ZC3H14: variants seen among roughly 807,000 people sequenced by gnomAD.
The protein encoded by ZC3H14 is zinc finger CCCH-type containing 14, also known as zinc finger CCCH domain-containing protein 14.
Under a neutral mutation model 92.4 loss-of-function variants are expected in ZC3H14, and 31 were observed. The observed-to-expected ratio is 0.34, with a 90% confidence interval of 0.25 to 0.45. The LOEUF (loss-of-function observed/expected upper bound fraction) is 0.45. ZC3H14 is among the 20% of genes least tolerant of loss of function. The probability of loss-of-function intolerance (pLI) is 1.00; values close to 1 mark genes in which losing one functional copy is unlikely to be tolerated. For missense variants in ZC3H14, 781 were observed against 897.3 expected, an observed-to-expected ratio of 0.87 and a Z score of 1.66; for synonymous variants, 321 against 300.9, an observed-to-expected ratio of 1.07 and a Z score of -0.69.
At position 88,622,046 on chromosome 14, in the gene ZC3H14, C is replaced by T; in HGVS notation, c.*10295C>T. 3.1e-6 allele frequency: 1 copy of T among 326,126 alleles called. No homozygotes were observed. 20.2% of individuals were successfully genotyped at this position (326,126 alleles called of 1,614,324 possible). A position where few individuals can be genotyped will look rare whatever the true frequency, so the allele number is the denominator to read the frequency against. ...CTATCCCCCTCCCCCTCCCCCTTGTCCGCCTCCAGTAACCACTATTCTACT... is the reference window on the plus strand; with the variant it reads ...CTATCCCCCTCCCCCTCCCCCTTGTTCGCCTCCAGTAACCACTATTCTACT... On this transcript the variant is annotated 3_prime_UTR_variant, in exon 17 of 17. Coordinates refer to ENST00000251038, the MANE Select transcript of ZC3H14 (RefSeq NM_024824.5).
At position 88,602,060 on chromosome 14, in the gene ZC3H14, T is replaced by C. The variant is rs757008209; in HGVS notation, c.1491T>C (p.Leu497=). ...AGACTGCAGATTCCCTTCGGGTACT[T>C]TCAGGACACCTTATGCAGACACGGT... ...GMKTADSLRV[L]SGHLMQTRDL... The change falls in exon 11 of 17, where the codon CTT becomes CTC. Residue 497 remains leucine, a synonymous_variant. Coordinates refer to ENST00000251038, the MANE Select transcript of ZC3H14 (RefSeq NM_024824.5). 6.2e-7 allele frequency: 1 copy of C among 1,614,066 alleles called. No individual in the cohort carries two copies. Among genetic ancestry groups the C allele is most frequent in the African/African-American group, 1.3e-5 (1 of 75,040 alleles).
At chr14:88,600,535 G>A (rs537954300) in intron 10 of ZC3H14, among the ~76,000 whole-genome samples, 1 of 151,212 alleles carries the variant, frequency 6.6e-6, no homozygotes, top group Non-Finnish European at 1.5e-5. Flanking sequence ...TTGACCTCCT[G>A]GGCCCAAGCA....
chr14:88,594,591 T>C, intron 9 of ZC3H14: 6 of 1,550,296 alleles, frequency 3.9e-6, no homozygotes, highest in Non-Finnish European at 5.2e-6. Flanking sequence ...TATTTGCTCT[T>C]AATACGTCTT....
At chr14:88,596,959 G>A (rs543545706) in intron 10 of ZC3H14, 151 bp downstream of exon 10, 4 of 746,420 alleles carry the variant, frequency 5.4e-6, no homozygotes, top group African/African-American at 5.3e-5. Context: ...CAGGAGATAA[G>A]ATCTGCATTT....
chr14:88,581,380 G>C (rs2081890272), intron 9 of ZC3H14, among the ~76,000 whole-genome samples: 1 of 152,072 alleles, frequency 6.6e-6, no homozygotes, highest in Admixed American at 6.6e-5. Flanking sequence ...CCAGTGTGGT[G>C]AAACCCCATC....
chr14:88,578,002 C>T lies in ZC3H14; in HGVS notation c.1141C>T (p.Leu381Phe). The change falls in exon 9 of 17, where the codon CTT becomes TTT. Residue 381 changes from leucine to phenylalanine, a missense_variant. This residue lies in a region of ZC3H14 where 454 missense variants were observed against 438.5 expected (regional missense o/e 1.04). Transcript: ENST00000251038. ...NYSTVPQKQTLPVAPRTRTSQ... is the reference protein window; with the variant it reads ...NYSTVPQKQTFPVAPRTRTSQ... The stretch of plus-strand genomic sequence containing the variant: ...TGTGAAAGTTCCACAGAAACAGACA[C>T]TTCCAGTTGCTCCCAGAACTCGAAC... 16 of 1,614,138 alleles carry T rather than the reference C, an allele frequency of 9.9e-6. No homozygotes were observed. Among genetic ancestry groups the T allele is most frequent in the Non-Finnish European group, 1.4e-5 (16 of 1,180,026 alleles).
intron 9 of ZC3H14, chr14:88,586,877 A>G (rs1566934933): frequency 2.6e-5 from 4 of 152,018 alleles, no homozygotes. Context: ...TACTAGTCCC[A>G]CTCCGCAGAA....
At chr14:88,579,140 A>T (rs946712907) in intron 9 of ZC3H14, among the ~76,000 whole-genome samples, 1 of 152,126 alleles carries the variant, frequency 6.6e-6, no homozygotes, top group African/African-American at 2.4e-5. Flanking sequence ...AGAACCTTGG[A>T]ATATATTTTT....
chr14:88,591,457 G>T (rs1321043731), intron 9 of ZC3H14: 1 of 152,030 alleles, frequency 6.6e-6, no homozygotes, highest in Non-Finnish European at 1.5e-5. Context: ...AATAAAAAAA[G>T]AACAGAAACC....
At chr14:88,581,132 C>A (rs1321030275) in intron 9 of ZC3H14, among the ~76,000 whole-genome samples, 4 of 152,206 alleles carry the variant, frequency 2.6e-5, no homozygotes, top group Non-Finnish European at 1.5e-5. Flanking sequence ...TGTTTCGGAA[C>A]TCACAGTGTA....
At position 88,626,601 on chromosome 14, in the gene ZC3H14, A is replaced by G; in HGVS notation, c.*14850A>G. Reference sequence around the variant, plus strand: ...CATTGCACCCCAGCCCAGGCGACAGAGTGAGATACTGTGTCAAAAAAAAAA... The same window carrying G: ...CATTGCACCCCAGCCCAGGCGACAGGGTGAGATACTGTGTCAAAAAAAAAA... On this transcript the variant is annotated 3_prime_UTR_variant, in exon 17 of 17. Transcript: ENST00000251038. 2.0e-6 allele frequency: 1 copy of G among 495,712 alleles called. No individual in the cohort carries two copies. The highest frequency in any genetic ancestry group is 3.6e-6 in the Non-Finnish European group (1 of 274,994). The allele number at this position is 495,712 out of a possible 1,614,324, so 30.7% of individuals were successfully genotyped here. A position where few individuals can be genotyped will look rare whatever the true frequency, so the allele number is the denominator to read the frequency against.
In ZC3H14 at chr14:88,608,960, TTAA is replaced by T. The variant is rs368291012; in HGVS notation, c.1869-305_1869-303del. On this transcript the variant is annotated intron_variant, in intron 13 of 16. Transcript: ENST00000251038. ...TTGCATAGAGGATGTGTTTATTGTA[TTAA>T]TGAGTTCACTGCATAAAATATATAC... 909 of 367,842 alleles carry T rather than the reference TTAA, an allele frequency of 2.5e-3. 6 individuals carry two copies. The highest frequency in any genetic ancestry group is 0.017 in the African/African-American group (820 of 47,884). 22.8% of individuals were successfully genotyped at this position (367,842 alleles called of 1,614,324 possible).
chr14:88,616,842 G>T lies in ZC3H14; in HGVS notation c.*5091G>T, dbSNP rs1203413499. The T allele has an allele frequency of 6.2e-7, 1 of 1,613,914 alleles. No homozygotes were observed. Among genetic ancestry groups the T allele is most frequent in the South Asian group, 1.1e-5 (1 of 91,072 alleles). On this transcript the variant is annotated 3_prime_UTR_variant, in exon 17 of 17. Transcript: ENST00000251038. ...CAGTTGACATCAGCTTTCTCAGCATGTCTGGACCAGATTCCCAAAACCTCA... is the reference window on the plus strand; with the variant it reads ...CAGTTGACATCAGCTTTCTCAGCATTTCTGGACCAGATTCCCAAAACCTCA...
chr14:88,624,920 C>A lies in ZC3H14; in HGVS notation c.*13169C>A. The stretch of plus-strand genomic sequence containing the variant: ...AACTAGAATAATTAACTGCAAACCT[C>A]AGGTAGGTCACAAATGCATAAATAT... On this transcript the variant is annotated 3_prime_UTR_variant, in exon 17 of 17. Coordinates refer to ENST00000251038, the MANE Select transcript of ZC3H14 (RefSeq NM_024824.5). The A allele has an allele frequency of 6.3e-7, 1 of 1,597,616 alleles. No homozygotes were observed. The highest frequency in any genetic ancestry group is 1.1e-5 in the South Asian group (1 of 87,888).
intron 2 of ZC3H14, among the ~76,000 whole-genome samples, chr14:88,564,629 T>C (rs930457394): frequency 2.0e-5 from 3 of 152,238 alleles, no homozygotes; most frequent in African/African-American, 7.2e-5. Flanking sequence ...TGTGTAAAAC[T>C]AATGGTTGAT....
Position 88,625,920 on chromosome 14 carries a change from T to C in ZC3H14, c.*14169T>C, listed in dbSNP as rs1227219684. 6.6e-6 allele frequency: 1 copy of C among 152,162 alleles called. No individual in the cohort carries two copies. The highest frequency in any genetic ancestry group is 1.9e-4 in the East Asian group (1 of 5,202). The allele number at this position is 152,162 out of a possible 1,614,324, so 9.4% of individuals were successfully genotyped here. ...CAAAGGATTTATACAGCCTAGCCAATGCAGGATATTAAAGGAAAGAGATGT... is the reference window on the plus strand; with the variant it reads ...CAAAGGATTTATACAGCCTAGCCAACGCAGGATATTAAAGGAAAGAGATGT... On this transcript the variant is annotated 3_prime_UTR_variant, in exon 17 of 17. Transcript: ENST00000251038.
Position 88,612,433 on chromosome 14 carries a change from C to T in ZC3H14, c.*682C>T, listed in dbSNP as rs45541634. The T allele has an allele frequency of 5.5e-3, 836 of 152,304 alleles. 3 individuals are homozygous for T. The highest frequency in any genetic ancestry group is 8.7e-3 in the Non-Finnish European group (592 of 68,046). The allele number at this position is 152,304 out of a possible 1,614,324, so 9.4% of individuals were successfully genotyped here. ...TGCAGAAAATAGGAACAGTTCTATA[C>T]AGTGCTCTCATTTACTAATAACATA... On this transcript the variant is annotated 3_prime_UTR_variant, in exon 17 of 17. Transcript: ENST00000251038.
intron 6 of ZC3H14, among the ~76,000 whole-genome samples, chr14:88,574,095 A>T (rs1235731822): frequency 2.6e-5 from 4 of 152,136 alleles, no homozygotes; most frequent in Non-Finnish European, 4.4e-5. Context: ...TAGATTGTTC[A>T]TGGTAATTGC....
At chr14:88,582,813 T>C (rs1303418265) in intron 9 of ZC3H14, among the ~76,000 whole-genome samples, 1 of 152,226 alleles carries the variant, frequency 6.6e-6, no homozygotes, top group East Asian at 1.9e-4. Context: ...TATCTGTTAA[T>C]GTGGTTACTC....
Sources: allele counts gnomAD v4.1 joint callset (sites outside exome capture counted in the v4.1 genomes callset), GRCh38; gene constraint gnomAD v4.1.1; regional missense constraint gnomAD v4.1.1; transcripts MANE v1.5; gene names NCBI Gene and HGNC (gene_info 2026-07-23, HGNC 2026-07-21).